The following NAV2 variants were observed in gnomAD, a reference collection of about 807,000 sequenced individuals.
The protein encoded by NAV2 is neuron navigator 2, also known as helicase, APC down-regulated 1.
In NAV2, 54 loss-of-function variants were observed where a neutral mutation model predicts 223.2. The ratio of observed to expected loss-of-function variants is 0.24; its 90% confidence interval spans 0.19 to 0.30. NAV2 has a LOEUF of 0.30. Ranked by LOEUF, NAV2 falls within the 10% of genes least tolerant of loss-of-function variation. NAV2 has a pLI of 1.00. For missense variants in NAV2, 2,806 were observed against 3,147.5 expected (o/e 0.89, Z 2.60); for synonymous variants, 1,279 against 1,239.3 (o/e 1.03, Z -0.67).
chr11:19,938,551 G>A (rs190761890), intron 7 of NAV2, among the ~76,000 whole-genome samples: 4 of 152,312 alleles, frequency 2.6e-5, no homozygotes, highest in Admixed American at 2.6e-4. Context: ...TTTAAATGTT[G>A]AACTAATTTT....
At chr11:19,984,754 T>C (rs990204624) in intron 11 of NAV2, among the ~76,000 whole-genome samples, 1 of 152,168 alleles carries the variant, frequency 6.6e-6, no homozygotes, top group Non-Finnish European at 1.5e-5. Flanking sequence ...GTTGACATCA[T>C]AGAGGTTGAT....
At chr11:19,938,213 A>T (rs1414021548) in intron 7 of NAV2, among the ~76,000 whole-genome samples, 1 of 152,244 alleles carries the variant, frequency 6.6e-6, no homozygotes, top group Non-Finnish European at 1.5e-5. Context: ...TTCTGTGGGT[A>T]ATGGAAACCA....
At chr11:19,954,200 A>G (rs2047637949) in intron 10 of NAV2, among the ~76,000 whole-genome samples, 1 of 152,140 alleles carries the variant, frequency 6.6e-6, no homozygotes, top group Admixed American at 6.5e-5. Context: ...TTTAGGGCTA[A>G]GGATGTTGGC....
At chr11:19,433,338 C>G (rs1023780503) in intron 1 of NAV2, among the ~76,000 whole-genome samples, 3 of 152,146 alleles carry the variant, frequency 2.0e-5, no homozygotes, top group African/African-American at 4.8e-5. Flanking sequence ...ACAGGATGCT[C>G]TACCTGGAAT....
chr11:19,884,356 T>A (rs201110795), intron 5 of NAV2: 59 of 1,613,292 alleles, frequency 3.7e-5, no homozygotes, highest in Non-Finnish European at 4.7e-5. Context: ...CAGAAAAAGA[T>A]CTCTAGGTTA....
intron 5 of NAV2, among the ~76,000 whole-genome samples, chr11:19,886,657 TAAAG>T (rs2041007900): frequency 6.6e-6 from 1 of 152,180 alleles, no homozygotes; most frequent in South Asian, 2.1e-4. Flanking sequence ...TCCTGCAAGA[TAAAG>T]AAAACAGGAC....
intron 6 of NAV2, among the ~76,000 whole-genome samples, chr11:19,909,870 TAAATAACTTTATAAAGTTATTTA>T (rs2043168368): frequency 6.6e-6 from 1 of 152,162 alleles, no homozygotes; most frequent in African/African-American, 2.4e-5. Context: ...GCCTGCCTTA[TAAATAACTTTATAAAGTTATTTA>T]TAAGGCATAT....
upstream of NAV2, among the ~76,000 whole-genome samples, chr11:19,709,934 T>A (rs996794143): frequency 1.3e-5 from 2 of 151,950 alleles, no homozygotes; most frequent in Non-Finnish European, 2.9e-5. Flanking sequence ...TCAAGAAAAA[T>A]GAAGAATTAT....
chr11:19,724,905 G>A (rs1297520931), intron 1 of NAV2, among the ~76,000 whole-genome samples: 1 of 152,192 alleles, frequency 6.6e-6, no homozygotes, highest in Non-Finnish European at 1.5e-5. Flanking sequence ...ATGCTAGGGC[G>A]AGGCCTGGGG....
chr11:19,634,242 AGTAAATGT>A (rs1262645661), intron 1 of NAV2, among the ~76,000 whole-genome samples: 1 of 152,228 alleles, frequency 6.6e-6, no homozygotes, highest in African/African-American at 2.4e-5. Context: ...GGTGGCATTG[AGTAAATGT>A]GTAGGTTATC....
At chr11:19,929,719 C>A (rs2045142257) in intron 6 of NAV2, among the ~76,000 whole-genome samples, 1 of 152,192 alleles carries the variant, frequency 6.6e-6, no homozygotes, top group Non-Finnish European at 1.5e-5. Flanking sequence ...TCCTACATCT[C>A]TGTTACCTTA....
chr11:20,009,452 T>A (rs1368809976), intron 11 of NAV2, among the ~76,000 whole-genome samples: 8 of 152,246 alleles, frequency 5.3e-5, no homozygotes, highest in East Asian at 1.9e-4. Context: ...GATAGTGTTA[T>A]GATTTACAGC....
chr11:20,064,713 A>AT (rs748945457), intron 20 of NAV2, among the ~76,000 whole-genome samples: 1 of 152,180 alleles, frequency 6.6e-6, no homozygotes, highest in Non-Finnish European at 1.5e-5. Flanking sequence ...TTTTCATGAA[A>AT]TTTGAAATTG....
intron 1 of NAV2, among the ~76,000 whole-genome samples, chr11:19,681,520 C>T (rs997389304): frequency 4.6e-5 from 7 of 152,138 alleles, no homozygotes; most frequent in Non-Finnish European, 7.4e-5. Context: ...AGAAGCCTAT[C>T]GATTTAATTA....
intron 6 of NAV2, among the ~76,000 whole-genome samples, chr11:19,911,470 ACT>A (rs1218409705): frequency 1.3e-5 from 2 of 151,982 alleles, no homozygotes; most frequent in Non-Finnish European, 2.9e-5. Context: ...AGGCAAAATG[ACT>A]CTCTCAATTC....
intron 1 of NAV2, among the ~76,000 whole-genome samples, chr11:19,573,379 A>G (rs2045477369): frequency 6.6e-6 from 1 of 152,204 alleles, no homozygotes; most frequent in Non-Finnish European, 1.5e-5. Context: ...AGGTCTTTGA[A>G]GTCAGGGATT....
At position 19,418,878 on chromosome 11, in the gene NAV2, T is replaced by C. The variant is rs182300047; in HGVS notation, c.75+67851T>C. ...TATAGTGGGAGTCCAGGTAGGAGGATGATGGGCTCATCTCTGGTAGTGGCA... is the reference window on the plus strand; with the variant it reads ...TATAGTGGGAGTCCAGGTAGGAGGACGATGGGCTCATCTCTGGTAGTGGCA... On this transcript the variant is annotated intron_variant, in intron 1 of 37. Coordinates refer to the NAV2 transcript ENST00000360655. 3.0e-3 allele frequency among the ~76,000 whole-genome samples: 459 copies of C among 152,170 alleles called. 3 individuals are homozygous for C. Among genetic ancestry groups the C allele is most frequent in the African/African-American group, 0.01 (428 of 41,504 alleles).
At chr11:19,422,316 A>G (rs1181617495) in intron 1 of NAV2, among the ~76,000 whole-genome samples, 1 of 152,154 alleles carries the variant, frequency 6.6e-6, no homozygotes, top group African/African-American at 2.4e-5. Context: ...GCTGATGGTG[A>G]GAGAACCAGT....
intron 11 of NAV2, among the ~76,000 whole-genome samples, chr11:20,021,435 C>CGT (rs1401172768): frequency 6.6e-6 from 1 of 152,142 alleles, no homozygotes; most frequent in Non-Finnish European, 1.5e-5. Context: ...CTTTTTAGAG[C>CGT]GTGTGTGTGC....
Sources: gnomAD v4.1 joint callset for allele counts (sites outside exome capture counted in the v4.1 genomes callset) on GRCh38, gnomAD v4.1.1 for gene constraint, MANE v1.5 for transcripts, NCBI Gene and HGNC (gene_info 2026-07-23, HGNC 2026-07-21) for gene names.